Variants in RTN1 observed in about 807,000 individuals in gnomAD.
The protein encoded by RTN1 is reticulon-1.
A neutral mutation model predicts 65.5 loss-of-function variants in RTN1; 25 were observed. The ratio of observed to expected loss-of-function variants is 0.38; its 90% CI spans 0.28 to 0.53. The LOEUF is 0.53. Ranked by LOEUF, RTN1 falls within the 20% of genes least tolerant of loss-of-function variation. RTN1 has a pLI of 0.79. For synonymous variants in RTN1, 471 were observed against 447.6 expected (o/e 1.05, Z -0.66); for missense variants, 983 against 1,025.4 (o/e 0.96, Z 0.57).
chr14:59,857,173 C>T (rs1401427764), intron 1 of RTN1, among the ~76,000 whole-genome samples: 1 of 152,120 alleles, frequency 6.6e-6, no homozygotes, highest in Non-Finnish European at 1.5e-5. Context: ...GAATCTGAGG[C>T]TCAGGGAGCT....
intron 3 of RTN1, among the ~76,000 whole-genome samples, chr14:59,666,961 CCAAA>C (rs1883390327): frequency 2.8e-5 from 2 of 72,454 alleles, no homozygotes; most frequent in Admixed American, 3.3e-4. Context: ...AGCCGACCAA[CCAAA>C]AAAAAAAAAA....
At chr14:59,651,727 C>A (rs1883023825) in intron 3 of RTN1, among the ~76,000 whole-genome samples, 1 of 151,832 alleles carries the variant, frequency 6.6e-6, no homozygotes, top group Non-Finnish European at 1.5e-5. Context: ...GACAGAGACT[C>A]CATCTCAAAA....
chr14:59,768,573 T>C (rs1885893675), intron 1 of RTN1, among the ~76,000 whole-genome samples: 1 of 152,170 alleles, frequency 6.6e-6, no homozygotes, highest in Admixed American at 6.5e-5. Context: ...CCTCTGCACC[T>C]TCACTCCCCA....
chr14:59,672,625 CTTTTTTT>C (rs71111662), intron 3 of RTN1, among the ~76,000 whole-genome samples: 13 of 79,102 alleles, frequency 1.6e-4, no homozygotes, highest in Admixed American at 1.1e-3. Context: ...CAAGATATTT[CTTTTTTT>C]TTTTTTTTTT....
At chr14:59,606,035 G>T (rs1316675677) in intron 4 of RTN1, 1 of 149,418 alleles carries the variant, frequency 6.7e-6, no homozygotes, top group Non-Finnish European at 1.5e-5. Context: ...CTACTGAGTG[G>T]TATTTTTAAT....
At chr14:59,848,574 A>C (rs1044325385) in intron 1 of RTN1, among the ~76,000 whole-genome samples, 1 of 152,250 alleles carries the variant, frequency 6.6e-6, no homozygotes, top group African/African-American at 2.4e-5. Context: ...AATTGATTTA[A>C]GATTGGCCAT....
At chr14:59,827,194 T>G (rs1479301320) in intron 1 of RTN1, among the ~76,000 whole-genome samples, 1 of 152,104 alleles carries the variant, frequency 6.6e-6, no homozygotes. Flanking sequence ...TTCTCCTGCC[T>G]CAACCTCCCG....
At chr14:59,666,147 A>G (rs982601820) in intron 3 of RTN1, among the ~76,000 whole-genome samples, 2 of 152,196 alleles carry the variant, frequency 1.3e-5, no homozygotes, top group African/African-American at 4.8e-5. Flanking sequence ...CATTATTCTC[A>G]GCATCACATC....
intron 3 of RTN1, among the ~76,000 whole-genome samples, chr14:59,682,688 A>G (rs1405994168): frequency 6.6e-6 from 1 of 152,226 alleles, no homozygotes. Flanking sequence ...AATTGTCTCT[A>G]GGGAACAAAA....
rs960607029 is a variant in RTN1, at chr14:59,829,522, G to A, written c.241+40868C>T. ...TATGGGATTTTTCTCTATTATTTTT[G>A]CAACTTCCTGTAAATCTATACTTAC... On this transcript the variant is annotated intron_variant, in intron 1 of 8. Coordinates refer to ENST00000267484, the MANE Select transcript of RTN1 (RefSeq NM_021136.3). This position sits in a 1 kb window ranked among gnomAD's most constrained non-coding sequence, Gnocchi z 4.3. Among the ~76,000 whole-genome samples the A allele has an allele frequency of 5.3e-5, 8 of 152,204 alleles. No homozygotes were observed. Among genetic ancestry groups the A allele is most frequent in the African/African-American group, 1.9e-4 (8 of 41,440 alleles).
chr14:59,751,191 C>CTTTTTTTT (rs34021179), intron 1 of RTN1, among the ~76,000 whole-genome samples: 335 of 90,706 alleles, frequency 3.7e-3, no homozygotes, highest in African/African-American at 4.9e-3. Context: ...CTCATTATAC[C>CTTTTTTTT]TTTTTTTTTT....
Position 59,870,604 on chromosome 14 carries a change from G to A in RTN1, c.27C>T (p.Asp9=). 7.0e-7 allele frequency: 1 copy of A among 1,433,254 alleles called. No individual in the cohort carries two copies. Among genetic ancestry groups the A allele is most frequent in the Non-Finnish European group, 9.1e-7 (1 of 1,097,734 alleles). The allele number at this position is 1,433,254 out of a possible 1,614,324, so 88.8% of individuals were successfully genotyped here. MAAPGDPQ[D]ELLPLAGPGS... is the part of the protein sequence containing the mutation. ...CGGGGCCGGCCAGCGGCAGCAGCTC[G>A]TCCTGCGGATCCCCCGGCGCGGCCA... The change falls in exon 1 of 9, where the codon GAC becomes GAT. Residue 9 remains aspartate, a synonymous_variant. Coordinates refer to ENST00000267484, the MANE Select transcript of RTN1 (RefSeq NM_021136.3). The surrounding 1 kb of genome is among the most constrained non-coding windows in gnomAD (Gnocchi z 5.1).
At chr14:59,752,640 GT>G (rs1207983083) in intron 1 of RTN1, among the ~76,000 whole-genome samples, 1 of 152,070 alleles carries the variant, frequency 6.6e-6, no homozygotes, top group Admixed American at 6.6e-5. Context: ...ATATGTACAT[GT>G]TACCTTCTTC....
At chr14:59,782,494 C>T (rs1886174934) in intron 1 of RTN1, among the ~76,000 whole-genome samples, 1 of 152,098 alleles carries the variant, frequency 6.6e-6, no homozygotes, top group South Asian at 2.1e-4. Context: ...GCACTTTTCC[C>T]CTGGGTTGAC....
chr14:59,827,329 C>T lies in RTN1; in HGVS notation c.241+43061G>A, dbSNP rs542334202. On this transcript the variant is annotated intron_variant, in intron 1 of 8. Coordinates refer to ENST00000267484, the MANE Select transcript of RTN1 (RefSeq NM_021136.3). ...TCCTGACCTCGTGATCCGCCGGCCT[C>T]GGCCTCCCAAAGTGCTGAGATTACA... Among the ~76,000 whole-genome samples, 4 of 152,308 alleles carry T rather than the reference C, an allele frequency of 2.6e-5. No individual in the cohort carries two copies. In the South Asian group the frequency reaches 6.2e-4, roughly 24 times the overall value.
chr14:59,769,863 T>A (rs1174366707), intron 1 of RTN1, among the ~76,000 whole-genome samples: 1 of 152,162 alleles, frequency 6.6e-6, no homozygotes, highest in Non-Finnish European at 1.5e-5. Context: ...GAGTGTCTTT[T>A]CTTACTTGTG....
chr14:59,722,796 CTTT>C (rs573634730), intron 3 of RTN1, among the ~76,000 whole-genome samples: 9 of 137,232 alleles, frequency 6.6e-5, no homozygotes, highest in Non-Finnish European at 6.4e-5. Flanking sequence ...GAACTTTTAA[CTTT>C]TTTTTTTTTT....
At chr14:59,759,580 C>T (rs11623385) in intron 1 of RTN1, among the ~76,000 whole-genome samples, 70,035 of 151,732 alleles carry the variant, frequency 0.46, 17,996 homozygotes, top group African/African-American at 0.7. Context: ...GTCCCGGTTT[C>T]GTCTTCATCT....
intron 1 of RTN1, among the ~76,000 whole-genome samples, chr14:59,847,218 A>G (rs778412442): frequency 1.1e-4 from 16 of 152,266 alleles, no homozygotes; most frequent in Non-Finnish European, 1.9e-4. Context: ...TATCTCCTTC[A>G]TTAGACTATA....
Sources: gnomAD v4.1 joint callset for allele counts (sites outside exome capture counted in the v4.1 genomes callset) on GRCh38, gnomAD v4.1.1 for gene constraint, Gnocchi (gnomAD v3.1) non-coding constraint, MANE v1.5 for transcripts, NCBI Gene and HGNC (gene_info 2026-07-23, HGNC 2026-07-21) for gene names.